Variants in CDC42 observed in about 807,000 individuals in gnomAD.
CDC42 encodes cell division control protein 42 homolog.
A neutral mutation model predicts 20.8 loss-of-function variants in CDC42; 1 was observed. The observed-to-expected ratio is 0.05, with a 90% confidence interval of 0.02 to 0.23. The LOEUF is 0.23. Ranked by LOEUF, CDC42 falls within the 10% of genes least tolerant of loss-of-function variation. The probability of loss-of-function intolerance (pLI) is 1.00; values close to 1 mark genes in which losing one functional copy is unlikely to be tolerated. For synonymous variants in CDC42, 72 were observed against 84.8 expected, an observed-to-expected ratio of 0.85 and a Z score of 0.83; for missense variants, 49 against 227.9, an observed-to-expected ratio of 0.21 and a Z score of 5.05.
intron 1 of CDC42, among the ~76,000 whole-genome samples, chr1:22,076,276 A>G (rs1481392310): frequency 6.6e-6 from 1 of 152,148 alleles, no homozygotes; most frequent in Admixed American, 6.6e-5. Context: ...CCTGGCCAAC[A>G]TGGTGAAACC....
intron 1 of CDC42, among the ~76,000 whole-genome samples, chr1:22,066,393 A>G (rs1319345972): frequency 2.0e-5 from 3 of 152,164 alleles, no homozygotes; most frequent in African/African-American, 7.2e-5. Context: ...AAAATCTATT[A>G]GAATAAAGTA....
At chr1:22,089,059 CT>C (rs1177147775) in intron 5 of CDC42, among the ~76,000 whole-genome samples, 4 of 152,052 alleles carry the variant, frequency 2.6e-5, no homozygotes, top group Admixed American at 6.6e-5. Flanking sequence ...TGTTCTGGGA[CT>C]TTTAGGACAT....
chr1:22,073,421 C>T (rs186707499), intron 1 of CDC42, among the ~76,000 whole-genome samples: 335 of 152,052 alleles, frequency 2.2e-3, no homozygotes, highest in African/African-American at 7.8e-3. Context: ...TGCCTGTAAT[C>T]CCAGCTACTT....
At chr1:22,060,229 T>A (rs16826278) in intron 1 of CDC42, among the ~76,000 whole-genome samples, 26,728 of 151,914 alleles carry the variant, frequency 0.18, 2,502 homozygotes, top group African/African-American at 0.22. Context: ...TCCCAGCTAC[T>A]TGAGAGGCTG....
rs1334940312 is a variant in CDC42, at chr1:22,100,207, C to A, written c.*8690C>A. On this transcript the variant is annotated 3_prime_UTR_variant, in exon 6 of 6. Transcript: ENST00000656825. ...CACAGGGAGATGACTGGGGCTCTGC[C>A]TTCATCTTCTCTGCAAACGGTCAGG... Among the ~76,000 whole-genome samples, 2 of 152,016 alleles carry A rather than the reference C, an allele frequency of 1.3e-5. No individual in the cohort carries two copies. The highest frequency in any genetic ancestry group is 6.5e-5 in the Admixed American group (1 of 15,276).
At chr1:22,071,074 C>T (rs1485864583) in intron 1 of CDC42, among the ~76,000 whole-genome samples, 2 of 126,858 alleles carry the variant, frequency 1.6e-5, no homozygotes, top group Non-Finnish European at 3.2e-5. Context: ...GATGGAGTCT[C>T]GCTCTGTTGC....
chr1:22,063,600 C>A (rs1276026709), intron 1 of CDC42, among the ~76,000 whole-genome samples: 1 of 152,200 alleles, frequency 6.6e-6, no homozygotes, highest in Non-Finnish European at 1.5e-5. Context: ...TGTTCTTCAA[C>A]TGCACACATA....
At chr1:22,089,798 CTTAAGA>C in intron 5 of CDC42, 2 of 775,592 alleles carry the variant, frequency 2.6e-6, no homozygotes, top group Non-Finnish European at 3.9e-6. Context: ...TTATAATGGG[CTTAAGA>C]TCTAGCATTC....
chr1:22,081,574 G>A (rs113161762), intron 2 of CDC42, 148 bp from the exon 3 acceptor site: 2 of 591,402 alleles, frequency 3.4e-6, no homozygotes, highest in East Asian at 2.8e-5. Context: ...GCAAGGACTG[G>A]TTGGCAAGAT....
Position 22,101,193 on chromosome 1 carries a change from G to C in CDC42, c.*9676G>C, listed in dbSNP as rs1362007594. ...GCTCCTAACTTGCATTATGGTGTTTGATACTATATCTTCATTTCTCCCATG... is the reference window on the plus strand; with the variant it reads ...GCTCCTAACTTGCATTATGGTGTTTCATACTATATCTTCATTTCTCCCATG... On this transcript the variant is annotated 3_prime_UTR_variant, in exon 6 of 6. Transcript: ENST00000656825. The C allele has an allele frequency of 2.0e-5, 3 of 152,172 alleles. No homozygotes were observed. Among genetic ancestry groups the C allele is most frequent in the African/African-American group, 7.2e-5 (3 of 41,428 alleles). The allele number at this position is 152,172 out of a possible 1,614,324, so 9.4% of individuals were successfully genotyped here.
chr1:22,093,815 G>T lies in CDC42; in HGVS notation c.*2298G>T, dbSNP rs961023519. Reference sequence around the variant, plus strand: ...CCTTAGTGTAGTCAGGGGCGTATAGGTCCTTGACTATTGCTATATCTTTGT... The same window carrying T: ...CCTTAGTGTAGTCAGGGGCGTATAGTTCCTTGACTATTGCTATATCTTTGT... On this transcript the variant is annotated 3_prime_UTR_variant, in exon 6 of 6. Coordinates refer to ENST00000656825, the MANE Select transcript of CDC42 (RefSeq NM_001791.4). 4.6e-5 allele frequency among the ~76,000 whole-genome samples: 7 copies of T among 152,168 alleles called. No individual in the cohort carries two copies. The highest frequency in any genetic ancestry group is 7.3e-5 in the Non-Finnish European group (5 of 68,040).
chr1:22,069,864 G>T (rs1645465896), intron 1 of CDC42, among the ~76,000 whole-genome samples: 1 of 152,020 alleles, frequency 6.6e-6, no homozygotes, highest in South Asian at 2.1e-4. Context: ...CATAATCTTG[G>T]CTTACTTGCA....
At chr1:22,082,013 T>C (rs1321682325) in intron 3 of CDC42, among the ~76,000 whole-genome samples, 1 of 150,596 alleles carries the variant, frequency 6.6e-6, no homozygotes, top group Non-Finnish European at 1.5e-5. Flanking sequence ...AACAGTGTAG[T>C]AGATGAAGTA....
In CDC42 at chr1:22,099,243, C is replaced by G. The variant is rs557505613; in HGVS notation, c.*7726C>G. 2.0e-5 allele frequency among the ~76,000 whole-genome samples: 3 copies of G among 152,238 alleles called. No homozygotes were observed. Among genetic ancestry groups the G allele is most frequent in the Non-Finnish European group, 4.4e-5 (3 of 68,040 alleles). Reference sequence around the variant, plus strand: ...TAATCACATCCAGGAGGGCTCTGCCCTAACTGCTGAGAATCATAAAAGAAA... The same window carrying G: ...TAATCACATCCAGGAGGGCTCTGCCGTAACTGCTGAGAATCATAAAAGAAA... On this transcript the variant is annotated 3_prime_UTR_variant, in exon 6 of 6. Coordinates refer to ENST00000656825, the MANE Select transcript of CDC42 (RefSeq NM_001791.4).
At chr1:22,090,227 T>A in intron 5 of CDC42, 1 of 1,270,816 alleles carries the variant, frequency 7.9e-7, no homozygotes, top group Non-Finnish European at 1.0e-6. Flanking sequence ...AGTAGTCAAG[T>A]TGGACTTGTT....
intron 1 of CDC42, among the ~76,000 whole-genome samples, chr1:22,066,930 G>A (rs953435988): frequency 1.6e-4 from 25 of 152,188 alleles, no homozygotes; most frequent in African/African-American, 6.0e-4. Context: ...GGGTGTGGTG[G>A]CACATGCCTG....
At chr1:22,067,644 C>G (rs538274210) in intron 1 of CDC42, among the ~76,000 whole-genome samples, 2 of 152,170 alleles carry the variant, frequency 1.3e-5, no homozygotes, top group Non-Finnish European at 2.9e-5. Context: ...TGCGCCCATA[C>G]CAGTTTGTTC....
At chr1:22,067,811 C>G (rs1174428002) in intron 1 of CDC42, among the ~76,000 whole-genome samples, 2 of 152,166 alleles carry the variant, frequency 1.3e-5, no homozygotes, top group Non-Finnish European at 2.9e-5. Context: ...CACTGGTGAT[C>G]AGGTGTCAGC....
intron 1 of CDC42, among the ~76,000 whole-genome samples, chr1:22,071,234 CG>C (rs1056013811): frequency 1.3e-5 from 2 of 151,748 alleles, no homozygotes; most frequent in African/African-American, 4.8e-5. Flanking sequence ...TTAGTAGCGT[CG>C]GGGTTTCACC....
Sources: allele counts gnomAD v4.1 joint callset (sites outside exome capture counted in the v4.1 genomes callset), GRCh38; gene constraint gnomAD v4.1.1; transcripts MANE v1.5; gene names NCBI Gene and HGNC (gene_info 2026-07-23, HGNC 2026-07-21).